The following FBXO40 variants were observed in gnomAD, a reference collection of about 807,000 sequenced individuals.
The protein encoded by FBXO40 is F-box only protein 40.
In FBXO40, 50 loss-of-function variants were observed where a neutral mutation model predicts 49.9. The ratio of observed to expected loss-of-function variants is 1.00; its 90% CI spans 0.80 to 1.27. The LOEUF is 1.27. Among genes scored for constraint, FBXO40 ranks in the 50% most tolerant of loss-of-function variants. The pLI is 0.00. For missense variants in FBXO40, 895 were observed against 870.1 expected (o/e 1.03, Z -0.36); for synonymous variants, 340 against 320.2 (o/e 1.06, Z -0.66).
chr3:121,615,893 C>T (rs4444653), intron 1 of FBXO40, among the ~76,000 whole-genome samples: 37,131 of 151,952 alleles, frequency 0.24, 5,471 homozygotes, highest in African/African-American at 0.38. Context: ...GTGAGTGCCT[C>T]GCTATTCACT....
chr3:121,623,466 T>C, intron 3 of FBXO40, 123 bp downstream of exon 3: 1 of 745,798 alleles, frequency 1.3e-6, no homozygotes, highest in Non-Finnish European at 2.1e-6. Context: ...CTTGAACTTC[T>C]GGGCTCAAGT....
intron 3 of FBXO40, among the ~76,000 whole-genome samples, chr3:121,624,364 G>C (rs2049051125): frequency 6.6e-6 from 1 of 152,142 alleles, no homozygotes; most frequent in Non-Finnish European, 1.5e-5. Context: ...GACTCAAGGA[G>C]GTCAGTTTAG....
At position 121,623,207 on chromosome 3, in the gene FBXO40, T is replaced by G; in HGVS notation, c.1778T>G (p.Leu593Arg). ...GCTGGGTTCTTGGACAGCGTCAGCCTGGCCCAGCTCTCCCAGGTGTCTGTG... is the reference window on the plus strand; with the variant it reads ...GCTGGGTTCTTGGACAGCGTCAGCCGGGCCCAGCTCTCCCAGGTGTCTGTG... The part of the protein sequence containing the change: ...YIAGFLDSVS[L>R]AQLSQVSVLM... Residue 593 changes from leucine to arginine, a missense_variant, in exon 3 of 4, where the codon CTG (leucine) becomes CGG (arginine). By Grantham distance (102) the Leu-to-Arg change is moderately radical. Transcript: ENST00000338040. The G allele has an allele frequency of 6.2e-7, 1 of 1,614,198 alleles. No individual in the cohort carries two copies. The highest frequency in any genetic ancestry group is 1.3e-5 in the African/African-American group (1 of 75,038).
At chr3:121,595,230 G>A (rs1275493476) in intron 1 of FBXO40, among the ~76,000 whole-genome samples, 1 of 152,154 alleles carries the variant, frequency 6.6e-6, no homozygotes, top group African/African-American at 2.4e-5. Context: ...CATTATGCCT[G>A]TTTCCTGGGC....
At chr3:121,624,904 C>T (rs747138939) in intron 3 of FBXO40, among the ~76,000 whole-genome samples, 6 of 152,098 alleles carry the variant, frequency 3.9e-5, no homozygotes, top group South Asian at 2.1e-4. Flanking sequence ...TCAAATTACC[C>T]GGTCTGAGAG....
intron 1 of FBXO40, among the ~76,000 whole-genome samples, chr3:121,611,832 G>A (rs2048967435): frequency 6.6e-6 from 1 of 152,222 alleles, no homozygotes; most frequent in South Asian, 2.1e-4. Flanking sequence ...CTAGAGAATG[G>A]CGATGACCTT....
At chr3:121,604,234 G>A (rs1026096495) in intron 1 of FBXO40, among the ~76,000 whole-genome samples, 1 of 152,146 alleles carries the variant, frequency 6.6e-6, no homozygotes, top group African/African-American at 2.4e-5. Flanking sequence ...GAGGTAGCTT[G>A]AAGCTGTTGC....
chr3:121,616,299 A>G (rs938391), intron 1 of FBXO40, among the ~76,000 whole-genome samples: 107,427 of 151,966 alleles, frequency 0.71, 38,897 homozygotes, highest in East Asian at 0.91. Context: ...ATTAATGTGC[A>G]TAAGAATCAG....
At chr3:121,614,229 T>A (rs560310654) in intron 1 of FBXO40, among the ~76,000 whole-genome samples, 2,039 of 135,266 alleles carry the variant, frequency 0.015, 33 homozygotes, top group African/African-American at 0.054. Context: ...ATTGTGCCAC[T>A]ACATTCCTTC....
Position 121,621,321 on chromosome 3 carries a change from C to T in FBXO40, c.4-112C>T, listed in dbSNP as rs1162100811. The T allele has an allele frequency of 9.8e-6, 9 of 915,926 alleles. No individual in the cohort carries two copies. The African/African-American group carries it at 1.3e-4, about 13-fold the overall frequency. 56.7% of individuals were successfully genotyped at this position (915,926 alleles called of 1,614,324 possible). On this transcript the variant is annotated intron_variant, in intron 2 of 3. Transcript: ENST00000338040. ...TATTCCATATATTTCAAGGTTTCTA[C>T]AAAAAGCAGGTATAAACAGGAAATA...
chr3:121,599,670 ACATG>A (rs1358237737), intron 1 of FBXO40, among the ~76,000 whole-genome samples: 56 of 103,786 alleles, frequency 5.4e-4, no homozygotes, highest in African/African-American at 1.7e-3. Context: ...ACACACACAC[ACATG>A]CACACACACA....
At chr3:121,602,064 T>G (rs2048903752) in intron 1 of FBXO40, among the ~76,000 whole-genome samples, 1 of 152,232 alleles carries the variant, frequency 6.6e-6, no homozygotes, top group Non-Finnish European at 1.5e-5. Flanking sequence ...ATTGTCATCA[T>G]TGTTCTTAAC....
At chr3:121,616,921 G>A (rs144223295) in intron 1 of FBXO40, among the ~76,000 whole-genome samples, 3 of 152,272 alleles carry the variant, frequency 2.0e-5, no homozygotes, top group East Asian at 1.9e-4. Context: ...AGAAAGACAC[G>A]TATTGCATGT....
At chr3:121,608,830 A>G (rs1358231142) in intron 1 of FBXO40, among the ~76,000 whole-genome samples, 1 of 152,176 alleles carries the variant, frequency 6.6e-6, no homozygotes, top group African/African-American at 2.4e-5. Context: ...ATATTCCCCA[A>G]TTTTTGGACA....
chr3:121,595,640 G>C (rs1289765763), intron 1 of FBXO40, among the ~76,000 whole-genome samples: 3 of 152,216 alleles, frequency 2.0e-5, no homozygotes, highest in Non-Finnish European at 4.4e-5. Flanking sequence ...CAGCGTCGAA[G>C]CCAAGGATTA....
At chr3:121,609,312 T>C (rs1202840984) in intron 1 of FBXO40, among the ~76,000 whole-genome samples, 2 of 151,926 alleles carry the variant, frequency 1.3e-5, no homozygotes, top group Non-Finnish European at 2.9e-5. Context: ...TGACACCCTA[T>C]ATCCAGTAGT....
chr3:121,602,066 G>T (rs1045018878), intron 1 of FBXO40, among the ~76,000 whole-genome samples: 2 of 152,172 alleles, frequency 1.3e-5, no homozygotes, highest in African/African-American at 4.8e-5. Flanking sequence ...TGTCATCATT[G>T]TTCTTAACTT....
At position 121,621,693 on chromosome 3, in the gene FBXO40, C is replaced by T. The variant is rs1364777817; in HGVS notation, c.264C>T (p.Cys88=). ...AACTGGCCAAGCACCTGCAGGTGTG[C>T]CCCGCCAGCGTGGTCTGCTGCTCCA... The part of the protein sequence containing the change: ...RHKLAKHLQV[C]PASVVCCSME... The change falls in exon 3 of 4, where the codon TGC becomes TGT. Residue 88 remains cysteine, a synonymous_variant. Coordinates refer to ENST00000338040, the MANE Select transcript of FBXO40 (RefSeq NM_016298.4). The T allele has an allele frequency of 6.2e-7, 1 of 1,614,202 alleles. No individual in the cohort carries two copies. The highest frequency in any genetic ancestry group is 8.5e-7 in the Non-Finnish European group (1 of 1,180,000).
intron 3 of FBXO40, among the ~76,000 whole-genome samples, chr3:121,624,132 A>G (rs2049049747): frequency 6.7e-6 from 1 of 149,902 alleles, no homozygotes; most frequent in Non-Finnish European, 1.5e-5. Flanking sequence ...CTGGGATTAC[A>G]GACATGCACC....
Sources: gnomAD v4.1 joint callset for allele counts (sites outside exome capture counted in the v4.1 genomes callset) on GRCh38, gnomAD v4.1.1 for gene constraint, MANE v1.5 for transcripts, NCBI Gene and HGNC (gene_info 2026-07-23, HGNC 2026-07-21) for gene names.